Variants in MAF observed in about 807,000 individuals in gnomAD.
MAF encodes the protein transcription factor Maf.
MAF carries 10 observed loss-of-function variants against 22.0 expected under a neutral mutation model. The observed-to-expected ratio is 0.45, with a 90% CI of 0.28 to 0.77. The LOEUF (loss-of-function observed/expected upper bound fraction) is 0.77. Among genes scored for constraint, MAF ranks in the 30% least tolerant of loss-of-function variants. The probability of loss-of-function intolerance (pLI) is 0.12; values close to 1 mark genes in which losing one functional copy is unlikely to be tolerated. For missense variants in MAF, 544 were observed against 548.4 expected (o/e 0.99, Z 0.08); for synonymous variants, 337 against 255.8 (o/e 1.32, Z -3.03).
chr16:79,489,409 C>T, the MAF span, among the ~76,000 whole-genome samples: 4 of 152,182 alleles, frequency 2.6e-5, no homozygotes, highest in South Asian at 2.1e-4. Context: ...CATCAGTTCC[C>T]GTGATAAGAG....
chr16:79,369,784 T>C, the MAF span, among the ~76,000 whole-genome samples: 3 of 152,250 alleles, frequency 2.0e-5, no homozygotes, highest in Non-Finnish European at 4.4e-5. Flanking sequence ...AGGCTTGGCA[T>C]GCAGTGGCAT....
chr16:79,478,226 A>T, the MAF span, among the ~76,000 whole-genome samples: 5 of 152,210 alleles, frequency 3.3e-5, no homozygotes, highest in African/African-American at 9.6e-5. Context: ...CCTCAATCAC[A>T]GTTAGCCTTG....
At chr16:79,301,174 G>A in the MAF span, among the ~76,000 whole-genome samples, 2 of 152,096 alleles carry the variant, frequency 1.3e-5, no homozygotes, top group Non-Finnish European at 2.9e-5. Context: ...GAAGTGGCCC[G>A]CAGGTGTCAG....
At chr16:79,208,126 A>G in the MAF span, among the ~76,000 whole-genome samples, 1 of 152,206 alleles carries the variant, frequency 6.6e-6, no homozygotes, top group Non-Finnish European at 1.5e-5. Flanking sequence ...ATCCCAAACA[A>G]GAGTCCTGGG....
chr16:79,361,690 C>G, the MAF span, among the ~76,000 whole-genome samples: 1 of 149,388 alleles, frequency 6.7e-6, no homozygotes, highest in South Asian at 2.1e-4. Context: ...GTTTTTTTTT[C>G]TTTTGGTTGT....
chr16:79,272,289 C>T, the MAF span, among the ~76,000 whole-genome samples: 15 of 152,220 alleles, frequency 9.9e-5, no homozygotes, highest in Admixed American at 2.0e-4. Flanking sequence ...AAAACCCAAA[C>T]CACTTCAAGT....
At chr16:79,332,717 T>C in the MAF span, among the ~76,000 whole-genome samples, 1 of 152,294 alleles carries the variant, frequency 6.6e-6, no homozygotes, top group East Asian at 1.9e-4. Flanking sequence ...CTATTACAAG[T>C]CTCCTTTGAT....
At chr16:79,319,763 G>A in the MAF span, among the ~76,000 whole-genome samples, 1 of 152,208 alleles carries the variant, frequency 6.6e-6, no homozygotes, top group African/African-American at 2.4e-5. Context: ...GTGGCAGGGT[G>A]ATTCTCTGCT....
At chr16:79,287,714 C>A in the MAF span, among the ~76,000 whole-genome samples, 1 of 152,118 alleles carries the variant, frequency 6.6e-6, no homozygotes, top group East Asian at 1.9e-4. Context: ...TTCACTCATT[C>A]ATTTATTCAC....
downstream of MAF, among the ~76,000 whole-genome samples, chr16:79,585,445 C>A (rs11865785): frequency 6.6e-6 from 1 of 151,912 alleles, no homozygotes; most frequent in South Asian, 2.1e-4. Flanking sequence ...GTTTATGAGG[C>A]CCCGGTAAAA....
At chr16:79,205,071 A>C in the MAF span, 1 of 152,222 alleles carries the variant, frequency 6.6e-6, no homozygotes. Flanking sequence ...CTGCACCGTA[A>C]ACAGGAAAGG....
the MAF span, among the ~76,000 whole-genome samples, chr16:79,261,588 G>T: frequency 6.6e-6 from 1 of 152,176 alleles, no homozygotes; most frequent in Non-Finnish European, 1.5e-5. Context: ...GCCCTTCTCT[G>T]GGGGAAAGAT....
At chr16:79,519,844 G>C in the MAF span, among the ~76,000 whole-genome samples, 3 of 152,232 alleles carry the variant, frequency 2.0e-5, no homozygotes, top group African/African-American at 7.2e-5. Flanking sequence ...GGGGAAAAAA[G>C]GTAGAGTCCT....
At chr16:79,298,856 G>A in the MAF span, among the ~76,000 whole-genome samples, 1 of 152,254 alleles carries the variant, frequency 6.6e-6, no homozygotes, top group African/African-American at 2.4e-5. Context: ...GGGAGCAAAT[G>A]GAAACTGTAC....
the MAF span, among the ~76,000 whole-genome samples, chr16:79,572,197 C>G: frequency 6.6e-6 from 1 of 152,178 alleles, no homozygotes; most frequent in Non-Finnish European, 1.5e-5. Context: ...TTCAAAGCCC[C>G]CAAATCCTGT....
chr16:79,524,741 T>C, the MAF span, among the ~76,000 whole-genome samples: 9 of 152,352 alleles, frequency 5.9e-5, no homozygotes, highest in South Asian at 1.9e-3. Flanking sequence ...CAATAAAATA[T>C]GTCATTACTT....
chr16:79,500,454 G>A, the MAF span, among the ~76,000 whole-genome samples: 3,140 of 152,138 alleles, frequency 0.021, 92 homozygotes, highest in African/African-American at 0.07. Flanking sequence ...CTGCAGAAGC[G>A]CAGACACCAT....
At chr16:79,578,998 T>C in the MAF span, among the ~76,000 whole-genome samples, 19 of 152,282 alleles carry the variant, frequency 1.2e-4, 1 homozygote, top group African/African-American at 4.6e-4. Flanking sequence ...AGACATGGCT[T>C]TATATTTTAC....
the MAF span, among the ~76,000 whole-genome samples, chr16:79,516,723 C>T: frequency 6.6e-6 from 1 of 152,194 alleles, no homozygotes; most frequent in Non-Finnish European, 1.5e-5. Context: ...AAGCCCTGGG[C>T]TCATTTTCCA....
Sources: gnomAD v4.1 joint callset for allele counts (sites outside exome capture counted in the v4.1 genomes callset) on GRCh38, gnomAD v4.1.1 for gene constraint, MANE v1.5 for transcripts, NCBI Gene and HGNC (gene_info 2026-07-23, HGNC 2026-07-21) for gene names.